CPNE4: variants seen among roughly 807,000 people sequenced by gnomAD.
The protein encoded by CPNE4 is copine 4.
Under a neutral mutation model 67.9 loss-of-function variants are expected in CPNE4, and 25 were observed. That is an observed-to-expected ratio of 0.37 (90% CI 0.27 to 0.51). The LOEUF (loss-of-function observed/expected upper bound fraction) is 0.51, where lower values mean the gene tolerates loss of function less well. Among genes scored for constraint, CPNE4 ranks in the 20% least tolerant of loss-of-function variants. CPNE4 has a pLI of 0.93. For synonymous variants in CPNE4, 242 were observed against 244.9 expected (o/e 0.99, Z 0.11); for missense variants, 464 against 690.8 (o/e 0.67, Z 3.68).
intron 1 of CPNE4, among the ~76,000 whole-genome samples, chr3:131,913,056 T>C (rs2089041638): frequency 6.6e-6 from 1 of 152,112 alleles, no homozygotes; most frequent in African/African-American, 2.4e-5. Flanking sequence ...TTGAAGCATT[T>C]GAGTTTGAAT....
rs1263417568 is a variant in CPNE4, at chr3:131,792,697, A to G, written c.181-69072T>C. 1.2e-4 allele frequency among the ~76,000 whole-genome samples: 9 copies of G among 77,264 alleles called. 1 individual carries two copies. The highest frequency in any genetic ancestry group is 2.2e-4 in the Non-Finnish European group (9 of 40,978). The allele number at this position is 77,264 out of a possible 152,430, so 50.7% of individuals were successfully genotyped here. A position where few individuals can be genotyped will look rare whatever the true frequency, so the allele number is the denominator to read the frequency against. Reference sequence around the variant, plus strand: ...CATATATACACACGTGTATATATACATATACACACACGTGTATATATGTAT... The same window carrying G: ...CATATATACACACGTGTATATATACGTATACACACACGTGTATATATGTAT... On this transcript the variant is annotated intron_variant, in intron 2 of 15. Transcript: ENST00000429747.
At chr3:131,679,249 T>C (rs79957886) in intron 6 of CPNE4, among the ~76,000 whole-genome samples, 1 of 152,152 alleles carries the variant, frequency 6.6e-6, no homozygotes, top group Non-Finnish European at 1.5e-5. Flanking sequence ...CTGATGGTTG[T>C]TTGTAGTTCT....
intron 2 of CPNE4, among the ~76,000 whole-genome samples, chr3:131,801,258 G>A (rs1421788942): frequency 6.6e-6 from 1 of 150,558 alleles, no homozygotes; most frequent in East Asian, 1.9e-4. Context: ...CTGCTTTCCA[G>A]ATTGAAATAG....
chr3:131,787,363 C>G (rs920536891), intron 2 of CPNE4, among the ~76,000 whole-genome samples: 6 of 152,132 alleles, frequency 3.9e-5, no homozygotes, highest in South Asian at 2.1e-4. Flanking sequence ...AACTGCAATG[C>G]GGGGTTGATG....
chr3:131,787,631 C>T (rs977059629), intron 2 of CPNE4, among the ~76,000 whole-genome samples: 6 of 152,130 alleles, frequency 3.9e-5, no homozygotes, highest in Admixed American at 2.6e-4. Context: ...CTGGGTGGTG[C>T]ATCTCTGAGT....
At chr3:131,659,024 AAAC>A (rs1301222782) in intron 7 of CPNE4, among the ~76,000 whole-genome samples, 2 of 152,252 alleles carry the variant, frequency 1.3e-5, no homozygotes, top group Non-Finnish European at 2.9e-5. Context: ...GCTAGGTTAA[AAAC>A]AACATTTCCA....
chr3:131,565,769 T>A (rs532466620), intron 10 of CPNE4, among the ~76,000 whole-genome samples: 1 of 151,610 alleles, frequency 6.6e-6, no homozygotes, highest in African/African-American at 2.4e-5. Flanking sequence ...TACCCAGATT[T>A]CTTAAAATCA....
chr3:131,583,344 C>A lies in CPNE4; in HGVS notation c.781-1679G>T, dbSNP rs561931678. Among the ~76,000 whole-genome samples, 15 of 152,146 alleles carry A rather than the reference C, an allele frequency of 9.9e-5. No individual in the cohort carries two copies. In the South Asian group the frequency reaches 3.1e-3, roughly 32 times the overall value. On this transcript the variant is annotated intron_variant, in intron 8 of 15. Coordinates refer to ENST00000429747, the MANE Select transcript of CPNE4 (RefSeq NM_130808.3). ...ATTTAGTATTTCTGGACAAAAGAGC[C>A]CAAGTTCCTCCCAAACCTATCAAAA...
At chr3:131,832,587 T>C (rs1444016824) in intron 2 of CPNE4, among the ~76,000 whole-genome samples, 1 of 152,198 alleles carries the variant, frequency 6.6e-6, no homozygotes, top group Non-Finnish European at 1.5e-5. Flanking sequence ...TCCATTATTC[T>C]TTTCTTCTTT....
At chr3:131,868,597 C>G (rs1384452446) in intron 2 of CPNE4, among the ~76,000 whole-genome samples, 1 of 152,160 alleles carries the variant, frequency 6.6e-6, no homozygotes, top group South Asian at 2.1e-4. Context: ...TAAATTCTAA[C>G]TGACACAATT....
chr3:131,799,269 A>T (rs748088819), intron 2 of CPNE4, among the ~76,000 whole-genome samples: 7 of 152,310 alleles, frequency 4.6e-5, no homozygotes, highest in African/African-American at 7.2e-5. Flanking sequence ...TCTGGGCAGC[A>T]TCATTAAGAC....
chr3:131,987,814 C>T (rs1168407508), intron 1 of CPNE4, among the ~76,000 whole-genome samples: 1 of 152,166 alleles, frequency 6.6e-6, no homozygotes, highest in Non-Finnish European at 1.5e-5. Context: ...AATTCTGATG[C>T]TCGATAGCAT....
intron 2 of CPNE4, among the ~76,000 whole-genome samples, chr3:131,807,215 T>G (rs957491228): frequency 6.6e-6 from 1 of 152,076 alleles, no homozygotes; most frequent in African/African-American, 2.4e-5. Flanking sequence ...AAAGGGACAC[T>G]TGAACAGAAG....
chr3:131,724,975 T>C (rs1020457020), intron 2 of CPNE4, among the ~76,000 whole-genome samples: 1 of 152,212 alleles, frequency 6.6e-6, no homozygotes, highest in Non-Finnish European at 1.5e-5. Context: ...TTCTATAGCA[T>C]CCCTGTACTA....
intron 9 of CPNE4, among the ~76,000 whole-genome samples, chr3:131,578,938 C>T (rs976274360): frequency 2.0e-5 from 3 of 152,256 alleles, no homozygotes; most frequent in African/African-American, 7.2e-5. Flanking sequence ...GGAAAAGCTG[C>T]CACAATTTAT....
intron 2 of CPNE4, among the ~76,000 whole-genome samples, chr3:131,738,126 A>G (rs1268421776): frequency 6.6e-6 from 1 of 152,224 alleles, no homozygotes; most frequent in African/African-American, 2.4e-5. Flanking sequence ...AGTGCACAGG[A>G]TAGATATTCT....
chr3:131,650,618 G>A (rs2079787333), intron 7 of CPNE4, among the ~76,000 whole-genome samples: 1 of 149,676 alleles, frequency 6.7e-6, no homozygotes, highest in Non-Finnish European at 1.5e-5. Context: ...GGTGGTGGGC[G>A]CCTGTAGTCC....
At chr3:131,550,444 G>A (rs376191953) in intron 13 of CPNE4, among the ~76,000 whole-genome samples, 61 of 152,226 alleles carry the variant, frequency 4.0e-4, no homozygotes, top group African/African-American at 1.4e-3. Context: ...GGGTCACATA[G>A]CAAGTGTGTT....
At chr3:131,735,986 A>G (rs1264343834) in intron 2 of CPNE4, among the ~76,000 whole-genome samples, 1 of 152,204 alleles carries the variant, frequency 6.6e-6, no homozygotes, top group Non-Finnish European at 1.5e-5. Flanking sequence ...TCATGAAACT[A>G]GCTCAGAAAT....
Sources: gnomAD v4.1 joint callset for allele counts (sites outside exome capture counted in the v4.1 genomes callset) on GRCh38, gnomAD v4.1.1 for gene constraint, MANE v1.5 for transcripts, NCBI Gene and HGNC (gene_info 2026-07-23, HGNC 2026-07-21) for gene names.